The following TTLL5 variants were observed in gnomAD, a reference collection of about 807,000 sequenced individuals.
TTLL5 encodes tubulin tyrosine ligase like 5.
TTLL5 carries 132 observed loss-of-function variants against 168.4 expected under a neutral mutation model. The observed-to-expected ratio is 0.78, with a 90% CI of 0.68 to 0.91. TTLL5 has a LOEUF of 0.91. Ranked by LOEUF, TTLL5 falls within the 40% of genes least tolerant of loss-of-function variation. The pLI, the probability that TTLL5 is intolerant of heterozygous loss-of-function variation, is 0.00. For missense variants in TTLL5, 1,545 were observed against 1,581.5 expected (o/e 0.98, Z 0.39); for synonymous variants, 546 against 558.6 (o/e 0.98, Z 0.32).
At chr14:75,920,754 G>A (rs2033798340) in intron 31 of TTLL5, among the ~76,000 whole-genome samples, 1 of 152,140 alleles carries the variant, frequency 6.6e-6, no homozygotes, top group Non-Finnish European at 1.5e-5. Context: ...AATCCTTTGG[G>A]TATATACCCA....
intron 28 of TTLL5, among the ~76,000 whole-genome samples, chr14:75,849,968 T>C (rs1595146862): frequency 3.3e-5 from 5 of 151,964 alleles, no homozygotes; most frequent in Admixed American, 3.3e-4. Flanking sequence ...TAGCTGGGCG[T>C]AGTAGTGTGC....
At chr14:75,724,249 G>A (rs1400674058) in intron 12 of TTLL5, among the ~76,000 whole-genome samples, 1 of 152,038 alleles carries the variant, frequency 6.6e-6, no homozygotes, top group Non-Finnish European at 1.5e-5. Flanking sequence ...CCTACCACCT[G>A]TAATGTTCAA....
At chr14:75,862,176 CAT>C (rs1469876580) in intron 28 of TTLL5, among the ~76,000 whole-genome samples, 1 of 152,202 alleles carries the variant, frequency 6.6e-6, no homozygotes, top group Non-Finnish European at 1.5e-5. Flanking sequence ...TGTGCTGCAG[CAT>C]ATGTCAGAAT....
intron 18 of TTLL5, among the ~76,000 whole-genome samples, chr14:75,754,253 CTT>C (rs980544255): frequency 2.2e-4 from 34 of 152,180 alleles, no homozygotes; most frequent in East Asian, 1.3e-3. Flanking sequence ...GATGTAATGT[CTT>C]TTCAGATCTC....
intron 10 of TTLL5, among the ~76,000 whole-genome samples, chr14:75,718,527 A>G (rs1407424250): frequency 6.6e-6 from 1 of 152,190 alleles, no homozygotes; most frequent in Non-Finnish European, 1.5e-5. Context: ...GGGGGAGGAA[A>G]AAAAGACCAG....
At chr14:75,665,712 GC>G (rs763279695) in intron 2 of TTLL5, among the ~76,000 whole-genome samples, 1 of 152,044 alleles carries the variant, frequency 6.6e-6, no homozygotes, top group Non-Finnish European at 1.5e-5. Flanking sequence ...ACAAAAATTA[GC>G]CGGGTGTGGT....
intron 18 of TTLL5, among the ~76,000 whole-genome samples, chr14:75,755,322 A>G (rs1399033354): frequency 6.6e-6 from 1 of 152,046 alleles, no homozygotes; most frequent in African/African-American, 2.4e-5. Context: ...TTAGCTAAGA[A>G]AAACCCTCAT....
At chr14:75,757,221 C>A (rs1890328754) in intron 18 of TTLL5, among the ~76,000 whole-genome samples, 2 of 152,054 alleles carry the variant, frequency 1.3e-5, no homozygotes, top group Non-Finnish European at 2.9e-5. Flanking sequence ...CAGGCAATCC[C>A]CCTGCTTCGG....
At chr14:75,796,634 C>T (rs1893009977) in intron 27 of TTLL5, among the ~76,000 whole-genome samples, 1 of 152,146 alleles carries the variant, frequency 6.6e-6, no homozygotes, top group East Asian at 1.9e-4. Context: ...TTTCATTCTT[C>T]TACATGTGGC....
At chr14:75,715,432 A>C (rs1479127348) in intron 9 of TTLL5, among the ~76,000 whole-genome samples, 1 of 152,196 alleles carries the variant, frequency 6.6e-6, no homozygotes, top group Non-Finnish European at 1.5e-5. Context: ...CCAGTAGGTC[A>C]CATTCAAGAC....
intron 24 of TTLL5, among the ~76,000 whole-genome samples, chr14:75,781,055 A>G (rs1892019219): frequency 6.6e-6 from 1 of 152,148 alleles, no homozygotes; most frequent in South Asian, 2.1e-4. Flanking sequence ...TGGCTAAGGG[A>G]GACAAAGGAA....
chr14:75,687,312 C>T (rs912078687), intron 5 of TTLL5, among the ~76,000 whole-genome samples: 1 of 152,156 alleles, frequency 6.6e-6, no homozygotes, highest in African/African-American at 2.4e-5. Flanking sequence ...TTCGCTCTGT[C>T]ACCCAGTCTG....
intron 1 of TTLL5, among the ~76,000 whole-genome samples, chr14:75,661,811 T>C (rs942642646): frequency 9.2e-5 from 14 of 152,164 alleles, no homozygotes; most frequent in African/African-American, 3.4e-4. Context: ...AAGAAAGCCA[T>C]TGAAGTTGTT....
intron 2 of TTLL5, among the ~76,000 whole-genome samples, chr14:75,668,163 C>G (rs763951447): frequency 7.9e-5 from 12 of 152,040 alleles, no homozygotes; most frequent in Non-Finnish European, 7.4e-5. Context: ...TTTTAAGAGT[C>G]GAGTGAATCT....
intron 31 of TTLL5, among the ~76,000 whole-genome samples, chr14:75,911,547 TTA>T (rs2033387903): frequency 6.6e-6 from 1 of 152,228 alleles, no homozygotes. Flanking sequence ...AGAATCACTC[TTA>T]TTTTAATATC....
At chr14:75,925,886 A>G (rs1326107672) in intron 31 of TTLL5, among the ~76,000 whole-genome samples, 1 of 151,998 alleles carries the variant, frequency 6.6e-6, no homozygotes, top group East Asian at 1.9e-4. Context: ...CGTCTCCACC[A>G]AAAAAGTACG....
At chr14:75,800,645 G>A (rs1042850907) in intron 27 of TTLL5, among the ~76,000 whole-genome samples, 10 of 152,100 alleles carry the variant, frequency 6.6e-5, no homozygotes, top group Non-Finnish European at 1.5e-4. Flanking sequence ...AGATTCTTTT[G>A]TCCCACTGGT....
chr14:75,714,409 A>T (rs1482055599), intron 9 of TTLL5, among the ~76,000 whole-genome samples: 2 of 152,122 alleles, frequency 1.3e-5, no homozygotes, highest in African/African-American at 4.8e-5. Context: ...AGAAAAATCT[A>T]TTGATTTTTC....
intron 12 of TTLL5, among the ~76,000 whole-genome samples, chr14:75,722,086 C>T (rs951061285): frequency 6.6e-6 from 1 of 152,088 alleles, no homozygotes; most frequent in African/African-American, 2.4e-5. Context: ...CCTCATATAC[C>T]TTATAATCCA....
Sources: gnomAD v4.1 joint callset for allele counts (sites outside exome capture counted in the v4.1 genomes callset) on GRCh38, gnomAD v4.1.1 for gene constraint, MANE v1.5 for transcripts, NCBI Gene and HGNC (gene_info 2026-07-23, HGNC 2026-07-21) for gene names.